Variants in CTNNBL1 observed in about 807,000 individuals in gnomAD.
The protein encoded by CTNNBL1 is beta-catenin-like protein 1.
In CTNNBL1, 31 loss-of-function variants were observed where a neutral mutation model predicts 72.7. The observed-to-expected ratio is 0.43, with a 90% CI of 0.32 to 0.58. The LOEUF is 0.58. CTNNBL1 is among the 20% of genes least tolerant of loss of function. The pLI is 0.08. For synonymous variants in CTNNBL1, 240 were observed against 267.3 expected, an observed-to-expected ratio of 0.90 and a Z score of 1.00; for missense variants, 534 against 725.1, an observed-to-expected ratio of 0.74 and a Z score of 3.03.
chr20:37,815,741 G>A (rs1478690530), intron 11 of CTNNBL1, among the ~76,000 whole-genome samples: 1 of 152,212 alleles, frequency 6.6e-6, no homozygotes, highest in Non-Finnish European at 1.5e-5. Context: ...GGGAAGTGAA[G>A]ATGCCTTTCA....
At chr20:37,782,073 A>G (rs1390320163) in intron 10 of CTNNBL1, among the ~76,000 whole-genome samples, 3 of 152,192 alleles carry the variant, frequency 2.0e-5, no homozygotes, top group Non-Finnish European at 2.9e-5. Flanking sequence ...TAAACTATAT[A>G]AAGTATCTAG....
chr20:37,842,165 C>T, intron 12 of CTNNBL1, 174 bp from the exon 13 acceptor site: 1 of 600,284 alleles, frequency 1.7e-6, no homozygotes, highest in South Asian at 2.1e-5. Flanking sequence ...TGCCCCAGCC[C>T]TTTGATCCAT....
At chr20:37,840,227 G>C in intron 12 of CTNNBL1, 28 bp downstream of exon 12, 1 of 1,504,538 alleles carries the variant, frequency 6.6e-7, no homozygotes, top group Non-Finnish European at 9.2e-7. Flanking sequence ...TGTAAAGCTG[G>C]GACCGGGACT....
chr20:37,745,280 A>G (rs1012676945), intron 3 of CTNNBL1, among the ~76,000 whole-genome samples: 2 of 152,176 alleles, frequency 1.3e-5, no homozygotes, highest in Non-Finnish European at 2.9e-5. Flanking sequence ...CTGGAAGTTG[A>G]TGAGTCCTGT....
chr20:37,769,416 A>G (rs895755304), intron 7 of CTNNBL1, among the ~76,000 whole-genome samples: 3 of 152,214 alleles, frequency 2.0e-5, no homozygotes, highest in African/African-American at 2.4e-5. Context: ...TTAATCTGAT[A>G]GTGAAAACTG....
chr20:37,859,802 G>A (rs2072474616), intron 13 of CTNNBL1, 97 bp from the exon 14 acceptor site: 7 of 1,199,604 alleles, frequency 5.8e-6, no homozygotes, highest in Non-Finnish European at 8.2e-6. Flanking sequence ...TGTTGTTATA[G>A]TTGCTATTGT....
At chr20:37,826,619 A>G (rs1269280286) in intron 11 of CTNNBL1, among the ~76,000 whole-genome samples, 1 of 152,100 alleles carries the variant, frequency 6.6e-6, no homozygotes, top group African/African-American at 2.4e-5. Context: ...CCTTCTCAAC[A>G]TTTTCTTAAG....
At chr20:37,788,598 G>A (rs2073698398) in intron 10 of CTNNBL1, among the ~76,000 whole-genome samples, 1 of 152,236 alleles carries the variant, frequency 6.6e-6, no homozygotes. Flanking sequence ...CTCGAGTCCT[G>A]GGCTCCTGCC....
chr20:37,790,755 C>G (rs1422527094), intron 10 of CTNNBL1, among the ~76,000 whole-genome samples: 1 of 152,204 alleles, frequency 6.6e-6, no homozygotes, highest in East Asian at 1.9e-4. Flanking sequence ...GACCTCATAG[C>G]TATTCATCAT....
At chr20:37,746,427 G>A (rs1470165293) in intron 3 of CTNNBL1, 41 bp from the exon 4 acceptor site, 3 of 1,597,978 alleles carry the variant, frequency 1.9e-6, no homozygotes, top group Non-Finnish European at 1.7e-6. Context: ...ATTGCTGATA[G>A]TGCCCCTTTC....
At chr20:37,853,861 A>G (rs2072416859) in intron 13 of CTNNBL1, among the ~76,000 whole-genome samples, 1 of 152,254 alleles carries the variant, frequency 6.6e-6, no homozygotes, top group South Asian at 2.1e-4. Context: ...CATGCCACAG[A>G]GTTGTAACAG....
chr20:37,806,644 G>T (rs146241698), intron 11 of CTNNBL1, among the ~76,000 whole-genome samples: 2 of 152,276 alleles, frequency 1.3e-5, no homozygotes, highest in Non-Finnish European at 1.5e-5. Flanking sequence ...TCTGGGGCAG[G>T]GTTTTAGCAT....
chr20:37,720,307 C>A (rs1164087267), intron 1 of CTNNBL1, among the ~76,000 whole-genome samples: 1 of 152,088 alleles, frequency 6.6e-6, no homozygotes, highest in Non-Finnish European at 1.5e-5. Flanking sequence ...GGATTACAGG[C>A]GTGAGCCACT....
chr20:37,852,693 G>A (rs1199716665), intron 13 of CTNNBL1, among the ~76,000 whole-genome samples: 1 of 152,160 alleles, frequency 6.6e-6, no homozygotes, highest in African/African-American at 2.4e-5. Flanking sequence ...CTGCAGTCAG[G>A]GTGGGCATTG....
intron 1 of CTNNBL1, among the ~76,000 whole-genome samples, chr20:37,729,775 G>A (rs1029388308): frequency 6.6e-6 from 1 of 152,200 alleles, no homozygotes; most frequent in African/African-American, 2.4e-5. Context: ...CCTTTAGGAT[G>A]AATCTACCTT....
chr20:37,794,888 C>T (rs763833151), intron 10 of CTNNBL1, among the ~76,000 whole-genome samples: 3 of 151,816 alleles, frequency 2.0e-5, no homozygotes, highest in Non-Finnish European at 2.9e-5. Flanking sequence ...TTTTTCCTTT[C>T]GGTACTCTTA....
At chr20:37,716,919 GA>G (rs1455204580) in intron 1 of CTNNBL1, among the ~76,000 whole-genome samples, 1 of 152,190 alleles carries the variant, frequency 6.6e-6, no homozygotes, top group Non-Finnish European at 1.5e-5. Context: ...AGCTTTTGAA[GA>G]AACAATGGCA....
chr20:37,818,231 C>T (rs1345297600), intron 11 of CTNNBL1, among the ~76,000 whole-genome samples: 1 of 152,152 alleles, frequency 6.6e-6, no homozygotes, highest in Non-Finnish European at 1.5e-5. Context: ...GACAGTGACC[C>T]ACCTCAGACC....
At chr20:37,763,777 G>A (rs1210996396) in intron 5 of CTNNBL1, among the ~76,000 whole-genome samples, 1 of 152,188 alleles carries the variant, frequency 6.6e-6, no homozygotes, top group East Asian at 1.9e-4. Context: ...TCTGCCACCA[G>A]CTTTGTGACT....
Sources: gnomAD v4.1 joint callset for allele counts (sites outside exome capture counted in the v4.1 genomes callset) on GRCh38, gnomAD v4.1.1 for gene constraint, MANE v1.5 for transcripts, NCBI Gene and HGNC (gene_info 2026-07-23, HGNC 2026-07-21) for gene names.